The following SGCG variants were observed in gnomAD, a reference collection of about 807,000 sequenced individuals.
SGCG encodes sarcoglycan gamma.
In SGCG, 26 loss-of-function variants were observed where a neutral mutation model predicts 29.3. The observed-to-expected ratio is 0.89, with a 90% CI of 0.65 to 1.23. SGCG has a LOEUF of 1.23. Among genes scored for constraint, SGCG ranks in the 50% most tolerant of loss-of-function variants. The pLI is 0.00. For missense variants in SGCG, 353 were observed against 356.0 expected (o/e 0.99, Z 0.07); for synonymous variants, 145 against 129.7 (o/e 1.12, Z -0.80).
intron 6 of SGCG, among the ~76,000 whole-genome samples, chr13:23,303,966 A>G (rs930742984): frequency 1.5e-4 from 23 of 152,196 alleles, no homozygotes; most frequent in African/African-American, 5.5e-4. Flanking sequence ...TAGATTAGAA[A>G]TTACATCTCA....
At chr13:23,323,495 C>T (rs1039209356) in intron 7 of SGCG, among the ~76,000 whole-genome samples, 2 of 152,204 alleles carry the variant, frequency 1.3e-5, no homozygotes, top group Admixed American at 1.3e-4. Flanking sequence ...AGAATTATGC[C>T]TACCCACATT....
intron 4 of SGCG, among the ~76,000 whole-genome samples, chr13:23,257,901 T>G (rs1176288661): frequency 6.6e-6 from 1 of 152,204 alleles, no homozygotes; most frequent in African/African-American, 2.4e-5. Context: ...GTTCCATTGG[T>G]CTATATATCT....
At chr13:23,209,682 A>C (rs1037247708) in intron 2 of SGCG, among the ~76,000 whole-genome samples, 3 of 152,190 alleles carry the variant, frequency 2.0e-5, no homozygotes, top group African/African-American at 7.2e-5. Flanking sequence ...ACTGTAAAAT[A>C]GGCTTTGTGT....
the SGCG span, chr13:23,169,962 C>T: frequency 5.3e-5 from 8 of 152,276 alleles, no homozygotes; most frequent in Non-Finnish European, 1.0e-4. Context: ...GCCCTGTTCT[C>T]TGCTGCGTTG....
At chr13:23,219,126 C>A (rs1242067303) in intron 2 of SGCG, among the ~76,000 whole-genome samples, 1 of 151,296 alleles carries the variant, frequency 6.6e-6, no homozygotes, top group African/African-American at 2.4e-5. Context: ...CAGCTCACTG[C>A]AAGCTCTGCC....
chr13:23,213,870 G>T (rs947996692), intron 2 of SGCG, among the ~76,000 whole-genome samples: 1 of 152,126 alleles, frequency 6.6e-6, no homozygotes, highest in African/African-American at 2.4e-5. Context: ...TCAGCCTAGG[G>T]GTGGTTTTGC....
At chr13:23,189,862 C>T (rs1877167839) in intron 1 of SGCG, among the ~76,000 whole-genome samples, 1 of 152,142 alleles carries the variant, frequency 6.6e-6, no homozygotes, top group Non-Finnish European at 1.5e-5. Context: ...CTCCCCTACC[C>T]TACTCCTTCA....
At chr13:23,177,166 G>A (rs1876583217), upstream of SGCG, among the ~76,000 whole-genome samples, 1 of 152,120 alleles carries the variant, frequency 6.6e-6, no homozygotes, top group African/African-American at 2.4e-5. Flanking sequence ...CAAAACCTTA[G>A]AAGTTGATCT....
At chr13:23,318,558 T>C (rs899930947) in intron 6 of SGCG, among the ~76,000 whole-genome samples, 2 of 151,820 alleles carry the variant, frequency 1.3e-5, no homozygotes, top group African/African-American at 2.4e-5. Flanking sequence ...GAAGTCATAA[T>C]ATTTATGTAT....
chr13:23,304,593 CT>C lies in SGCG; in HGVS notation c.578+9117del, dbSNP rs568249004. 3.5e-3 allele frequency among the ~76,000 whole-genome samples: 505 copies of C among 144,324 alleles called. 1 individual carries two copies. Among genetic ancestry groups the C allele is most frequent in the Admixed American group, 7.9e-3 (114 of 14,368 alleles). 94.7% of individuals were successfully genotyped at this position (144,324 alleles called of 152,430 possible). ...GTAAGGAGTCTGTTAACTAAATAGG[CT>C]TTTTTTTTTTGGCGGCGGGGAGGGG... is the stretch of plus-strand genomic sequence containing the variant. On this transcript the variant is annotated intron_variant, in intron 6 of 7. Coordinates refer to ENST00000218867, the MANE Select transcript of SGCG (RefSeq NM_000231.3).
chr13:23,222,885 ATAT>A (rs767159819), intron 2 of SGCG, among the ~76,000 whole-genome samples: 3 of 152,206 alleles, frequency 2.0e-5, no homozygotes, highest in Admixed American at 6.5e-5. Context: ...GGCATTTTTT[ATAT>A]TATTATCTCT....
At position 23,324,516 on chromosome 13, in the gene SGCG, A is replaced by G. The variant is rs1177044413; in HGVS notation, c.851A>G (p.Gln284Arg). The G allele has an allele frequency of 5.6e-6, 9 of 1,612,450 alleles. No individual in the cohort carries two copies. Among genetic ancestry groups the G allele is most frequent in the South Asian group, 1.1e-5 (1 of 91,028 alleles). ...LSVAGVSTTCQEHNHICL is the reference protein window; with the variant it reads ...LSVAGVSTTCREHNHICL ...GTGGCCGGTGTGAGCACCACGTGCC[A>G]GGAGCACAACCACATCTGCCTCTGA... Residue 284 changes from glutamine (Q) to arginine (R), a missense_variant, in exon 8 of 8, where the codon CAG (glutamine) becomes CGG (arginine). Physicochemically the swap from Gln to Arg is conservative, Grantham distance 43 (BLOSUM62 1). Transcript: ENST00000218867.
At chr13:23,307,238 A>G (rs908183602) in intron 6 of SGCG, among the ~76,000 whole-genome samples, 2 of 152,172 alleles carry the variant, frequency 1.3e-5, no homozygotes, top group Admixed American at 1.3e-4. Flanking sequence ...TGAATTGGGT[A>G]TGTCATAGAT....
At chr13:23,199,635 G>A (rs561978339) in intron 1 of SGCG, among the ~76,000 whole-genome samples, 19 of 152,298 alleles carry the variant, frequency 1.2e-4, no homozygotes, top group African/African-American at 4.1e-4. Flanking sequence ...CTTATCTAGA[G>A]TAAAAGGACT....
chr13:23,323,565 G>A (rs1245743351), intron 7 of SGCG, among the ~76,000 whole-genome samples: 1 of 152,218 alleles, frequency 6.6e-6, no homozygotes, highest in East Asian at 1.9e-4. Context: ...GCTGCTGGAT[G>A]TGACGATTTT....
chr13:23,296,755 C>G (rs1189510714), intron 6 of SGCG, among the ~76,000 whole-genome samples: 1 of 152,064 alleles, frequency 6.6e-6, no homozygotes, highest in African/African-American at 2.4e-5. Context: ...ACATAATACC[C>G]TGAATATATA....
intron 3 of SGCG, among the ~76,000 whole-genome samples, chr13:23,240,901 C>T (rs1212023855): frequency 6.6e-6 from 1 of 152,036 alleles, no homozygotes; most frequent in Non-Finnish European, 1.5e-5. Context: ...CGCCTGTAAT[C>T]CCAGCACTTT....
chr13:23,187,246 C>T (rs759860783), intron 1 of SGCG, among the ~76,000 whole-genome samples: 28 of 152,116 alleles, frequency 1.8e-4, no homozygotes, highest in African/African-American at 3.6e-4. Flanking sequence ...CTACAGTGGA[C>T]GGCTTGGAGG....
intron 2 of SGCG, among the ~76,000 whole-genome samples, chr13:23,230,696 G>C (rs147418993): frequency 6.6e-6 from 1 of 152,122 alleles, no homozygotes; most frequent in Non-Finnish European, 1.5e-5. Flanking sequence ...AGAGACTATG[G>C]GTTATTCTCA....
Sources: gnomAD v4.1 joint callset for allele counts (sites outside exome capture counted in the v4.1 genomes callset) on GRCh38, gnomAD v4.1.1 for gene constraint, MANE v1.5 for transcripts, NCBI Gene and HGNC (gene_info 2026-07-23, HGNC 2026-07-21) for gene names.